FNBP1L: variants seen among roughly 807,000 people sequenced by gnomAD.
The protein encoded by FNBP1L is formin-binding protein 1-like.
A neutral mutation model predicts 91.2 loss-of-function variants in FNBP1L; 36 were observed. The ratio of observed to expected loss-of-function variants is 0.39; its 90% CI spans 0.30 to 0.52. The LOEUF is 0.52. Ranked by LOEUF, FNBP1L falls within the 20% of genes least tolerant of loss-of-function variation. The pLI is 0.66. For synonymous variants in FNBP1L, 242 were observed against 237.0 expected, an observed-to-expected ratio of 1.02 and a Z score of -0.19; for missense variants, 571 against 732.1, an observed-to-expected ratio of 0.78 and a Z score of 2.54.
intron 16 of FNBP1L, chr1:93,551,746 G>T (rs1672422903): frequency 7.1e-6 from 7 of 984,784 alleles, no homozygotes; most frequent in Non-Finnish European, 8.4e-6. Flanking sequence ...TCCTGGTCTA[G>T]CTCTTAGGTG....
chr1:93,501,868 C>T (rs571233945), intron 2 of FNBP1L, among the ~76,000 whole-genome samples: 1 of 152,032 alleles, frequency 6.6e-6, no homozygotes, highest in Non-Finnish European at 1.5e-5. Flanking sequence ...GTCCTTTAAT[C>T]TAGCATTTTC....
intron 1 of FNBP1L, among the ~76,000 whole-genome samples, chr1:93,484,457 T>G (rs911243908): frequency 2.0e-5 from 3 of 152,208 alleles, no homozygotes; most frequent in Admixed American, 6.5e-5. Flanking sequence ...AAAGGGATGC[T>G]TAGCCCTGTT....
At chr1:93,490,820 AAG>A (rs1670066894) in intron 1 of FNBP1L, among the ~76,000 whole-genome samples, 1 of 152,150 alleles carries the variant, frequency 6.6e-6, no homozygotes, top group Admixed American at 6.5e-5. Flanking sequence ...CATAGTCCCA[AAG>A]TATTTGCTGA....
chr1:93,514,323 G>A (rs1355644967), intron 2 of FNBP1L, among the ~76,000 whole-genome samples: 71 of 151,796 alleles, frequency 4.7e-4, no homozygotes, highest in Middle Eastern at 3.4e-3. Context: ...AATCAATATC[G>A]TGAAAATGGC....
At chr1:93,517,921 G>T (rs1316483070) in intron 2 of FNBP1L, among the ~76,000 whole-genome samples, 1 of 152,204 alleles carries the variant, frequency 6.6e-6, no homozygotes, top group Non-Finnish European at 1.5e-5. Context: ...ATGTGTCTGA[G>T]TCCTGTAAAG....
chr1:93,499,283 A>G (rs1670366388), intron 1 of FNBP1L, among the ~76,000 whole-genome samples, 185 bp from the exon 2 acceptor site: 1 of 152,146 alleles, frequency 6.6e-6, no homozygotes, highest in African/African-American at 2.4e-5. Flanking sequence ...ATAAAGTAGC[A>G]TGATTTATGC....
chr1:93,530,648 C>G, intron 6 of FNBP1L, 107 bp from the exon 7 acceptor site: 2 of 1,143,138 alleles, frequency 1.7e-6, no homozygotes, highest in East Asian at 2.7e-5. Flanking sequence ...CTTTTGATGT[C>G]AGGTGTTGGC....
At chr1:93,491,619 G>A (rs925508421) in intron 1 of FNBP1L, among the ~76,000 whole-genome samples, 3 of 152,228 alleles carry the variant, frequency 2.0e-5, no homozygotes, top group African/African-American at 7.2e-5. Flanking sequence ...TGATAGGCAT[G>A]AGCTACTGCC....
At chr1:93,518,149 T>G (rs2101746700) in intron 2 of FNBP1L, among the ~76,000 whole-genome samples, 1 of 152,352 alleles carries the variant, frequency 6.6e-6, no homozygotes, top group East Asian at 1.9e-4. Context: ...TTCTAGTTTT[T>G]ACTATATATC....
intron 1 of FNBP1L, among the ~76,000 whole-genome samples, chr1:93,449,419 G>T (rs549232563): frequency 6.6e-6 from 1 of 152,172 alleles, no homozygotes; most frequent in Non-Finnish European, 1.5e-5. Flanking sequence ...CGAGGATCTC[G>T]TGAAATCACT....
intron 1 of FNBP1L, among the ~76,000 whole-genome samples, chr1:93,451,950 T>A (rs890929210): frequency 6.6e-6 from 1 of 152,198 alleles, no homozygotes; most frequent in African/African-American, 2.4e-5. Context: ...GTGCCCGGTC[T>A]TCATCATATT....
At chr1:93,512,671 T>G (rs1190406871) in intron 2 of FNBP1L, among the ~76,000 whole-genome samples, 3 of 149,636 alleles carry the variant, frequency 2.0e-5, no homozygotes, top group Non-Finnish European at 4.5e-5. Flanking sequence ...CCTGAATGAC[T>G]ACTGGGTACA....
intron 2 of FNBP1L, among the ~76,000 whole-genome samples, chr1:93,510,140 G>A (rs1031776313): frequency 6.6e-6 from 1 of 152,214 alleles, no homozygotes; most frequent in Non-Finnish European, 1.5e-5. Flanking sequence ...TGCCTCTGTA[G>A]GCTCCACCTC....
chr1:93,483,001 G>C (rs548589653), intron 1 of FNBP1L, among the ~76,000 whole-genome samples: 50 of 146,844 alleles, frequency 3.4e-4, no homozygotes, highest in African/African-American at 1.2e-3. Context: ...CTGGACGACA[G>C]AGCAAGACTC....
intron 7 of FNBP1L, among the ~76,000 whole-genome samples, chr1:93,532,039 TC>T (rs1210023324): frequency 2.0e-5 from 3 of 152,226 alleles, no homozygotes; most frequent in Non-Finnish European, 4.4e-5. Context: ...GCTTGTGACT[TC>T]CTGTTTTTCC....
intron 2 of FNBP1L, among the ~76,000 whole-genome samples, chr1:93,499,989 G>C (rs1239444669): frequency 2.0e-5 from 3 of 152,134 alleles, no homozygotes; most frequent in African/African-American, 7.2e-5. Flanking sequence ...AGTGTGTGCT[G>C]AGCTGAGTTT....
At chr1:93,536,713 A>G (rs575312591) in intron 10 of FNBP1L, among the ~76,000 whole-genome samples, 1 of 152,218 alleles carries the variant, frequency 6.6e-6, no homozygotes, top group Admixed American at 6.5e-5. Context: ...GCTGGGTACA[A>G]TCATATTTTA....
chr1:93,549,357 G>T lies in FNBP1L; in HGVS notation c.1582G>T (p.Asp528Tyr). 2 of 1,613,082 alleles carry T rather than the reference G, an allele frequency of 1.2e-6. No homozygotes were observed. Among genetic ancestry groups the T allele is most frequent in the Non-Finnish European group, 8.5e-7 (1 of 1,179,504 alleles). Reference sequence around the variant, plus strand: ...GCAGCATGGTCACCACAATGAGTTTGATGATGAATTTGAGGATGATGATCC... The same window carrying T: ...GCAGCATGGTCACCACAATGAGTTTTATGATGAATTTGAGGATGATGATCC... ...PQQHGHHNEF[D>Y]DEFEDDDPLP... The change falls in exon 15 of 17, where the codon GAT (aspartate) becomes TAT (tyrosine). Residue 528 changes from aspartate (D) to tyrosine (Y), a missense_variant. By Grantham distance (160) the Asp-to-Tyr change is radical (BLOSUM62 -3). Coordinates refer to ENST00000271234, the MANE Select transcript of FNBP1L (RefSeq NM_001164473.3).
chr1:93,495,998 C>T (rs149465643), intron 1 of FNBP1L, among the ~76,000 whole-genome samples: 9 of 152,160 alleles, frequency 5.9e-5, no homozygotes, highest in African/African-American at 1.7e-4. Context: ...GAAATTGACT[C>T]GTGATTGTGG....
Sources: allele counts gnomAD v4.1 joint callset (sites outside exome capture counted in the v4.1 genomes callset), GRCh38; gene constraint gnomAD v4.1.1; transcripts MANE v1.5; gene names NCBI Gene and HGNC (gene_info 2026-07-23, HGNC 2026-07-21).